SIM1: variants seen among roughly 807,000 people sequenced by gnomAD.
SIM1 encodes single-minded homolog 1.
In SIM1, 18 loss-of-function variants were observed where a neutral mutation model predicts 78.2. The ratio of observed to expected loss-of-function variants is 0.23; its 90% CI spans 0.16 to 0.34. The LOEUF (loss-of-function observed/expected upper bound fraction) is 0.34. Ranked by LOEUF, SIM1 falls within the 10% of genes least tolerant of loss-of-function variation. The pLI is 1.00. For missense variants in SIM1, 939 were observed against 975.1 expected (o/e 0.96, Z 0.49); for synonymous variants, 417 against 385.2 (o/e 1.08, Z -0.97).
chr6:100,389,337 C>T lies in SIM1; in HGVS notation c.*1024G>A, dbSNP rs1770578359. On this transcript the variant is annotated 3_prime_UTR_variant, in exon 12 of 12. Transcript: ENST00000369208. ...GGCTTTCCACATGTTGTCACATTGG[C>T]ACATATGTGCTTTGAAACGTTTTCA... The T allele has an allele frequency of 3.0e-6, 1 of 334,962 alleles. No homozygotes were observed. Among genetic ancestry groups the T allele is most frequent in the African/African-American group, 2.1e-5 (1 of 47,368 alleles). 20.7% of individuals were successfully genotyped at this position (334,962 alleles called of 1,614,324 possible).
At chr6:100,427,961 T>C (rs1265964211) in intron 9 of SIM1, among the ~76,000 whole-genome samples, 2 of 152,212 alleles carry the variant, frequency 1.3e-5, no homozygotes, top group African/African-American at 4.8e-5. Context: ...AAAATAATTA[T>C]CTTTTAATAA....
intron 9 of SIM1, among the ~76,000 whole-genome samples, chr6:100,429,643 G>C (rs957675064): frequency 6.6e-6 from 1 of 152,018 alleles, no homozygotes; most frequent in Non-Finnish European, 1.5e-5. Context: ...ATTTGAAAAT[G>C]CATTAAAGAT....
intron 10 of SIM1, among the ~76,000 whole-genome samples, chr6:100,402,192 C>A (rs1003655225): frequency 6.6e-6 from 1 of 152,148 alleles, no homozygotes; most frequent in African/African-American, 2.4e-5. Flanking sequence ...TGGTTACCAT[C>A]TTGTAAAAAT....
chr6:100,423,286 C>A (rs185542713), intron 9 of SIM1, among the ~76,000 whole-genome samples: 1 of 152,206 alleles, frequency 6.6e-6, no homozygotes, highest in African/African-American at 2.4e-5. Flanking sequence ...TCTTCTTAAC[C>A]TGTAAAACTC....
At chr6:100,396,882 T>C (rs1770781768) in intron 10 of SIM1, among the ~76,000 whole-genome samples, 1 of 152,282 alleles carries the variant, frequency 6.6e-6, no homozygotes, top group East Asian at 1.9e-4. Context: ...TGCGGTGCAA[T>C]GAATGAATGC....
rs1582595046 is a variant in SIM1 at position 100,385,569 on chromosome 6, G to C, written c.*4792C>G. ...CCCAACCCCATATAGATTTATGAAA[G>C]CAAAGTCCCATGCAGCAAAGTTGCA... On this transcript the variant is annotated 3_prime_UTR_variant, in exon 12 of 12. Coordinates refer to ENST00000369208, the MANE Select transcript of SIM1 (RefSeq NM_005068.3). 6.6e-6 allele frequency: 1 copy of C among 151,682 alleles called. No individual in the cohort carries two copies. The highest frequency in any genetic ancestry group is 1.5e-5 in the Non-Finnish European group (1 of 67,900). 9.4% of individuals were successfully genotyped at this position (151,682 alleles called of 1,614,324 possible).
rs562134981 is a variant in SIM1 at position 100,390,599 on chromosome 6, G to A, written c.2063C>T (p.Ala688Val). 12 of 1,614,168 alleles carry A rather than the reference G, an allele frequency of 7.4e-6. No homozygotes were observed. The East Asian group carries it at 8.9e-5, about 12-fold the overall frequency. Reference protein sequence around the residue: ...LHSDISPHQTAGDHPTVSPNC... With the variant: ...LHSDISPHQTVGDHPTVSPNC... ...TGGAGAGACAGTAGGGTGGTCTCCTGCTGTCTGATGAGGAGATATATCCGA... is the reference window on the plus strand; with the variant it reads ...TGGAGAGACAGTAGGGTGGTCTCCTACTGTCTGATGAGGAGATATATCCGA... Residue 688 changes from alanine (A) to valine (V), a missense_variant, in exon 12 of 12, where the codon GCA becomes GTA. This residue lies in a region of SIM1 where 556 missense variants were observed against 521.9 expected (regional missense o/e 1.07). Coordinates refer to ENST00000369208, the MANE Select transcript of SIM1 (RefSeq NM_005068.3).
chr6:100,388,895 T>G lies in SIM1; in HGVS notation c.*1466A>C, dbSNP rs1011393209. 2.0e-5 allele frequency: 3 copies of G among 152,204 alleles called. No homozygotes were observed. The highest frequency in any genetic ancestry group is 1.3e-4 in the Admixed American group (2 of 15,278). 9.4% of individuals were successfully genotyped at this position (152,204 alleles called of 1,614,324 possible). ...TAAATCTAGAAAGTTAACTGTAACCTGCCTAAAGGAGCCCACACACCTGCT... is the reference window on the plus strand; with the variant it reads ...TAAATCTAGAAAGTTAACTGTAACCGGCCTAAAGGAGCCCACACACCTGCT... On this transcript the variant is annotated 3_prime_UTR_variant, in exon 12 of 12. Coordinates refer to ENST00000369208, the MANE Select transcript of SIM1 (RefSeq NM_005068.3).
At chr6:100,412,555 AAAAG>A (rs761518217) in intron 10 of SIM1, among the ~76,000 whole-genome samples, 15,386 of 64,184 alleles carry the variant, frequency 0.24, 1,800 homozygotes, top group Admixed American at 0.27. Context: ...AGAAAGAAAG[AAAAG>A]AAAGAAAGAA....
intron 10 of SIM1, among the ~76,000 whole-genome samples, chr6:100,401,099 C>T (rs1054811399): frequency 6.6e-6 from 1 of 152,110 alleles, no homozygotes; most frequent in South Asian, 2.1e-4. Context: ...GTGACAGACA[C>T]TCCGAAGACA....
chr6:100,437,498 G>A lies in SIM1; in HGVS notation c.998+9770C>T, dbSNP rs147196347. The A allele has an allele frequency of 4.2e-3, 628 of 151,022 alleles. 3 individuals carry two copies. Among genetic ancestry groups the A allele is most frequent in the African/African-American group, 0.015 (597 of 41,058 alleles). The allele number at this position is 151,022 out of a possible 1,614,324, so 9.4% of individuals were successfully genotyped here. A position where few individuals can be genotyped will look rare whatever the true frequency, so the allele number is the denominator to read the frequency against. On this transcript the variant is annotated intron_variant, in intron 9 of 11. Transcript: ENST00000369208. ...ATACATACGGCAGCACAGTGTATTC[G>A]TTTCAATAAGATTTACATTCAGAAT... is the stretch of plus-strand genomic sequence containing the variant.
At position 100,417,147 on chromosome 6, in the gene SIM1, A is replaced by G. The variant is rs115437642; in HGVS notation, c.1167+3643T>C. Among the ~76,000 whole-genome samples the G allele has an allele frequency of 7.4e-3, 1,129 of 152,052 alleles. 10 individuals are homozygous for G. The highest frequency in any genetic ancestry group is 0.026 in the African/African-American group (1,086 of 41,452). ...CAATTTATTCCTGCATTTCCTCATA[A>G]TCTTAGGCTTCCTGAAGTCCCCTCT... On this transcript the variant is annotated intron_variant, in intron 10 of 11. Transcript: ENST00000369208.
intron 10 of SIM1, among the ~76,000 whole-genome samples, chr6:100,412,735 G>GAAAGA (rs1554220925): frequency 5.0e-5 from 7 of 140,670 alleles, no homozygotes; most frequent in Non-Finnish European, 9.4e-5. Flanking sequence ...AAGAAAGAAA[G>GAAAGA]AAAGAAAGAA....
At chr6:100,464,256 G>A (rs982211966) in intron 1 of SIM1, among the ~76,000 whole-genome samples, 1 of 152,172 alleles carries the variant, frequency 6.6e-6, no homozygotes, top group Non-Finnish European at 1.5e-5. Flanking sequence ...CACGTCCCAG[G>A]AAAGCAGGTT....
chr6:100,416,953 T>C (rs3798499), intron 10 of SIM1, among the ~76,000 whole-genome samples: 55,095 of 151,084 alleles, frequency 0.36, 10,580 homozygotes, highest in East Asian at 0.75. Flanking sequence ...TCCTCTCATT[T>C]CCTGTTCAAA....
intron 9 of SIM1, among the ~76,000 whole-genome samples, chr6:100,438,657 C>T (rs770155931): frequency 6.6e-6 from 1 of 152,194 alleles, no homozygotes; most frequent in Non-Finnish European, 1.5e-5. Flanking sequence ...AAGACACATG[C>T]ACATGCATGT....
chr6:100,385,213 T>C lies in SIM1; in HGVS notation c.*5148A>G, dbSNP rs1469652330. ...AGTAAAATTTCAAATTACAGCTTTATACTACAATGTCACTAAAAACTATAC... is the reference window on the plus strand; with the variant it reads ...AGTAAAATTTCAAATTACAGCTTTACACTACAATGTCACTAAAAACTATAC... On this transcript the variant is annotated 3_prime_UTR_variant, in exon 12 of 12. Coordinates refer to ENST00000369208, the MANE Select transcript of SIM1 (RefSeq NM_005068.3). The C allele has an allele frequency of 1.3e-5, 2 of 152,132 alleles. No individual in the cohort carries two copies. Among genetic ancestry groups the C allele is most frequent in the African/African-American group, 4.8e-5 (2 of 41,454 alleles). 9.4% of individuals were successfully genotyped at this position (152,132 alleles called of 1,614,324 possible).
intron 2 of SIM1, among the ~76,000 whole-genome samples, chr6:100,454,638 AG>A (rs1268900473): frequency 6.6e-6 from 1 of 152,036 alleles, no homozygotes; most frequent in Non-Finnish European, 1.5e-5. Context: ...TCTACTTTCC[AG>A]GTACTGTATT....
intron 9 of SIM1, among the ~76,000 whole-genome samples, chr6:100,423,536 T>C (rs1182551109): frequency 6.6e-6 from 1 of 152,194 alleles, no homozygotes. Flanking sequence ...TTCAAGTGAT[T>C]ATGTCTTATC....
Sources: gnomAD v4.1 joint callset for allele counts (sites outside exome capture counted in the v4.1 genomes callset) on GRCh38, gnomAD v4.1.1 for gene constraint, gnomAD v4.1.1 regional missense constraint, MANE v1.5 for transcripts, NCBI Gene and HGNC (gene_info 2026-07-23, HGNC 2026-07-21) for gene names.